The following TMEM138 variants were observed in gnomAD, a reference collection of about 807,000 sequenced individuals.
TMEM138 encodes the protein transmembrane protein 138.
In TMEM138, 9 loss-of-function variants were observed where a neutral mutation model predicts 18.1. That is an observed-to-expected ratio of 0.50 (90% CI 0.30 to 0.87). The LOEUF is 0.87. Ranked by LOEUF, TMEM138 falls within the 40% of genes least tolerant of loss-of-function variation. TMEM138 has a pLI of 0.06. For synonymous variants in TMEM138, 79 were observed against 74.8 expected, an observed-to-expected ratio of 1.06 and a Z score of -0.29; for missense variants, 189 against 190.6, an observed-to-expected ratio of 0.99 and a Z score of 0.05.
Position 61,368,615 on chromosome 11 carries a change from A to G in TMEM138, c.395A>G (p.Tyr132Cys). 1 of 1,612,562 alleles carries G rather than the reference A, an allele frequency of 6.2e-7. No homozygotes were observed. Among genetic ancestry groups the G allele is most frequent in the Non-Finnish European group, 8.5e-7 (1 of 1,178,790 alleles). The change falls in exon 5 of 5, where the codon TAC becomes TGC. Residue 132 changes from tyrosine (Y) to cysteine (C), a missense_variant. Tyr to Cys is a radical substitution (Grantham distance 194). Coordinates refer to ENST00000278826, the MANE Select transcript of TMEM138 (RefSeq NM_016464.5). Reference sequence around the variant, plus strand: ...CCCACAGCAGCAGTGTTGTACTGCTACTTCTATAAACGGACAGCCGTAAGA... The same window carrying G: ...CCCACAGCAGCAGTGTTGTACTGCTGCTTCTATAAACGGACAGCCGTAAGA... Reference protein sequence around the residue: ...FQRLAAVLYCYFYKRTAVRLG... With the variant: ...FQRLAAVLYCCFYKRTAVRLG...
At chr11:61,370,178 T>C (rs541566368), downstream of TMEM138, among the ~76,000 whole-genome samples, 1 of 152,316 alleles carries the variant, frequency 6.6e-6, no homozygotes, top group East Asian at 1.9e-4. Context: ...CAGGCTGGGC[T>C]GGACAAAGCA....
chr11:61,370,049 G>T (rs1858296789), downstream of TMEM138, among the ~76,000 whole-genome samples: 1 of 152,216 alleles, frequency 6.6e-6, no homozygotes, highest in Admixed American at 6.5e-5. Context: ...TGGAGCTTAT[G>T]CCTGGGCATA....
intron 4 of TMEM138, 194 bp from the exon 5 acceptor site, chr11:61,368,403 A>AT: frequency 1.9e-6 from 1 of 536,102 alleles, no homozygotes; most frequent in Non-Finnish European, 3.4e-6. Context: ...TTTTTTGTGT[A>AT]TTTTTAGTAG....
downstream of TMEM138, among the ~76,000 whole-genome samples, chr11:61,371,156 T>G (rs554448796): frequency 3.0e-4 from 46 of 152,334 alleles, 1 homozygote; most frequent in Admixed American, 3.0e-3. Context: ...TGCCTCAGCC[T>G]TCCCAGTAGC....
chr11:61,373,426 T>C (rs1858391144), downstream of TMEM138, among the ~76,000 whole-genome samples: 2 of 152,198 alleles, frequency 1.3e-5, no homozygotes, highest in South Asian at 2.1e-4. Context: ...ATGGAAGTTA[T>C]ATTTAATTGG....
chr11:61,363,366 A>G (rs1181037532), intron 1 of TMEM138: 1 of 152,256 alleles, frequency 6.6e-6, no homozygotes, highest in Non-Finnish European at 1.5e-5. Flanking sequence ...TATACATTGT[A>G]ATGGCTACTT....
rs7937419 is a variant in TMEM138, at chr11:61,367,657, A to G, written c.301-266A>G. The G allele has an allele frequency of 0.99, 395,934 of 398,324 alleles. 196,802 individuals carry two copies. Among genetic ancestry groups the G allele is most frequent in the Non-Finnish European group, 1 (214,502 of 214,604 alleles). The allele number at this position is 398,324 out of a possible 1,614,324, so 24.7% of individuals were successfully genotyped here. A position where few individuals can be genotyped will look rare whatever the true frequency, so the allele number is the denominator to read the frequency against. ...ACCAGCTGAACTCCTGAGATAATGA[A>G]TATATCATTTCTCCTTGGCAAAGGT... On this transcript the variant is annotated intron_variant, in intron 3 of 4. Coordinates refer to ENST00000278826, the MANE Select transcript of TMEM138 (RefSeq NM_016464.5).
rs1858144022 is a variant in TMEM138 at position 61,366,166 on chromosome 11, C to G, written c.250C>G (p.Leu84Val). The stretch of plus-strand genomic sequence containing the variant: ...CCATAAGTTCAAAGGGACCATCATC[C>G]TGACAGCTGTGTACTTTGCCCTCAG... ...LFHKFKGTII[L>V]TAVYFALSIS... The change falls in exon 3 of 5, where the codon CTG becomes GTG. Residue 84 changes from leucine to valine, a missense_variant. Transcript: ENST00000278826. The G allele has an allele frequency of 1.2e-6, 2 of 1,614,110 alleles. No individual in the cohort carries two copies. Among genetic ancestry groups the G allele is most frequent in the Non-Finnish European group, 1.7e-6 (2 of 1,180,056 alleles).
chr11:61,370,386 T>C (rs570585041), downstream of TMEM138, among the ~76,000 whole-genome samples: 1 of 152,214 alleles, frequency 6.6e-6, no homozygotes, highest in East Asian at 1.9e-4. Flanking sequence ...TGGTTAAACA[T>C]TGTGAGAGCA....
chr11:61,367,819 G>GT lies in TMEM138; in HGVS notation c.301-102dup, dbSNP rs1858205911. 11 of 747,840 alleles carry GT rather than the reference G, an allele frequency of 1.5e-5. No individual in the cohort carries two copies. In the South Asian group the frequency reaches 1.8e-4, roughly 12 times the overall value. The allele number at this position is 747,840 out of a possible 1,614,324, so 46.3% of individuals were successfully genotyped here. On this transcript the variant is annotated intron_variant, in intron 3 of 4. Transcript: ENST00000278826. ...TTGGGGTTGTAGAAAGGAGGAAGAGGTTAGCATGATTTTAAAGCAACTGGC... is the reference window on the plus strand; with the variant it reads ...TTGGGGTTGTAGAAAGGAGGAAGAGGTTTAGCATGATTTTAAAGCAACTGGC...
chr11:61,373,392 A>C (rs1858390587), downstream of TMEM138, among the ~76,000 whole-genome samples: 1 of 152,212 alleles, frequency 6.6e-6, no homozygotes, highest in Non-Finnish European at 1.5e-5. Flanking sequence ...TCCTTAATAA[A>C]GGTTATAAAA....
In TMEM138 at chr11:61,368,821, T is replaced by G. The variant is rs928518374; in HGVS notation, c.*112T>G. On this transcript the variant is annotated 3_prime_UTR_variant, in exon 5 of 5. Transcript: ENST00000278826. ...AAACAGCTGGACTTTCCAAGGAAGG[T>G]TCAGACTAGCTGTGTTCAGCATTCA... is the stretch of plus-strand genomic sequence containing the variant. The G allele has an allele frequency of 2.6e-6, 2 of 776,274 alleles. No individual in the cohort carries two copies. The highest frequency in any genetic ancestry group is 4.4e-6 in the Non-Finnish European group (2 of 452,792). The allele number at this position is 776,274 out of a possible 1,614,324, so 48.1% of individuals were successfully genotyped here.
At chr11:61,364,747 T>G in intron 2 of TMEM138, 1 of 420,334 alleles carries the variant, frequency 2.4e-6, no homozygotes, top group East Asian at 4.5e-5. Flanking sequence ...TTTTTAAAAT[T>G]AGCTAGGCAT....
At chr11:61,373,654 AAC>A (rs1858394535), downstream of TMEM138, among the ~76,000 whole-genome samples, 1 of 152,030 alleles carries the variant, frequency 6.6e-6, no homozygotes, top group Non-Finnish European at 1.5e-5. Context: ...TTAATCCTTT[AAC>A]ATATTATTAA....
chr11:61,372,746 G>A (rs553039722), downstream of TMEM138, among the ~76,000 whole-genome samples: 201 of 151,926 alleles, frequency 1.3e-3, no homozygotes, highest in Middle Eastern at 3.4e-3. Context: ...AGGTCACACC[G>A]TTGCACTCCA....
At chr11:61,370,495 G>A (rs1292810560), downstream of TMEM138, among the ~76,000 whole-genome samples, 2 of 152,194 alleles carry the variant, frequency 1.3e-5, no homozygotes, top group Non-Finnish European at 2.9e-5. Flanking sequence ...TGTGGTCAGT[G>A]GGGATGCATG....
downstream of TMEM138, among the ~76,000 whole-genome samples, chr11:61,373,692 C>T (rs10897155): frequency 0.85 from 128,704 of 151,976 alleles, 58,151 homozygotes; most frequent in East Asian, 1. Context: ...CCAAAAATGA[C>T]ATATTTGGCT....
chr11:61,368,843 T>C lies in TMEM138; in HGVS notation c.*134T>C. On this transcript the variant is annotated 3_prime_UTR_variant, in exon 5 of 5. Coordinates refer to ENST00000278826, the MANE Select transcript of TMEM138 (RefSeq NM_016464.5). ...AGGTTCAGACTAGCTGTGTTCAGCA[T>C]TCAAGAAGGAAGATCCTCCCTCTTG... 1.5e-6 allele frequency: 1 copy of C among 681,798 alleles called. No homozygotes were observed. The highest frequency in any genetic ancestry group is 1.7e-5 in the South Asian group (1 of 60,226). The allele number at this position is 681,798 out of a possible 1,614,324, so 42.2% of individuals were successfully genotyped here.
Position 61,364,220 on chromosome 11 carries a change from TTCTAACCTTGCTTA to T in TMEM138, c.-139-28_-139-15del. 1.4e-6 allele frequency: 1 copy of T among 697,232 alleles called. No individual in the cohort carries two copies. The highest frequency in any genetic ancestry group is 2.1e-5 in the South Asian group (1 of 48,094). 43.2% of individuals were successfully genotyped at this position (697,232 alleles called of 1,614,324 possible). A position where few individuals can be genotyped will look rare whatever the true frequency, so the allele number is the denominator to read the frequency against. ...GTAAATGTTTATGGTATTAATACATTTCTAACCTTGCTTATCTTTTTGCTCCAACAGGTGCTTGC... is the reference window on the plus strand; with the variant it reads ...GTAAATGTTTATGGTATTAATACATTTCTTTTTGCTCCAACAGGTGCTTGC... On this transcript the variant is annotated intron_variant, in intron 1 of 4. Coordinates refer to ENST00000278826, the MANE Select transcript of TMEM138 (RefSeq NM_016464.5).
Sources: allele counts gnomAD v4.1 joint callset (sites outside exome capture counted in the v4.1 genomes callset), GRCh38; gene constraint gnomAD v4.1.1; transcripts MANE v1.5; gene names NCBI Gene and HGNC (gene_info 2026-07-23, HGNC 2026-07-21).